The following POLR3B variants were observed in gnomAD, a reference collection of about 807,000 sequenced individuals.
POLR3B encodes the protein DNA-directed RNA polymerase III subunit RPC2.
Under a neutral mutation model 147.4 loss-of-function variants are expected in POLR3B, and 96 were observed. The observed-to-expected ratio is 0.65, with a 90% CI of 0.55 to 0.77. The LOEUF is 0.77. Ranked by LOEUF, POLR3B falls within the 30% of genes least tolerant of loss-of-function variation. POLR3B has a pLI of 0.00. For synonymous variants in POLR3B, 461 were observed against 485.9 expected (o/e 0.95, Z 0.67); for missense variants, 1,036 against 1,413.5 (o/e 0.73, Z 4.28).
intron 23 of POLR3B, among the ~76,000 whole-genome samples, chr12:106,486,638 A>G (rs888322825): frequency 6.6e-6 from 1 of 152,198 alleles, no homozygotes; most frequent in African/African-American, 2.4e-5. Flanking sequence ...TACAGCTGCC[A>G]CAAATCCAGA....
Position 106,496,792 on chromosome 12 carries a change from T to G in POLR3B, c.2858T>G (p.Val953Gly). The change falls in exon 25 of 28, where the codon GTG becomes GGG. Residue 953 changes from valine (V) to glycine (G), a missense_variant. Physicochemically the swap from Val to Gly is moderately radical, Grantham distance 109. Around this residue, in one of 12 missense-constraint regions of POLR3B, gnomAD observed 88 missense variants for 87.5 expected, o/e 1.01. Coordinates refer to ENST00000228347, the MANE Select transcript of POLR3B (RefSeq NM_018082.6). ...GAGCTGCTGGCTGGCAAGGCCGGTG[T>G]GCTGGACGGCAGATTCCACTACGGC... The part of the protein sequence containing the change: ...LIELLAGKAG[V>G]LDGRFHYGTA... The G allele has an allele frequency of 1.9e-6, 3 of 1,614,190 alleles. No homozygotes were observed. The highest frequency in any genetic ancestry group is 1.7e-6 in the Non-Finnish European group (2 of 1,180,036).
At chr12:106,430,165 A>G (rs1165536206) in intron 13 of POLR3B, 108 bp from the exon 14 acceptor site, 1 of 825,392 alleles carries the variant, frequency 1.2e-6, no homozygotes, top group Non-Finnish European at 2.1e-6. Context: ...CATGGTTCTA[A>G]TTTCGTAAGC....
chr12:106,402,165 A>G (rs1370308985), intron 10 of POLR3B, among the ~76,000 whole-genome samples: 4 of 152,138 alleles, frequency 2.6e-5, no homozygotes, highest in Admixed American at 6.6e-5. Context: ...TTATACACCA[A>G]TAACAGACAA....
chr12:106,444,312 T>A (rs2037693647), intron 18 of POLR3B, 151 bp from the exon 19 acceptor site: 7 of 696,956 alleles, frequency 1.0e-5, no homozygotes, highest in Non-Finnish European at 1.8e-5. Context: ...TTTATTTAAG[T>A]ATGTTTTTAT....
At chr12:106,493,194 A>AAC (rs751181469) in intron 23 of POLR3B, among the ~76,000 whole-genome samples, 2 of 152,248 alleles carry the variant, frequency 1.3e-5, no homozygotes, top group Non-Finnish European at 2.9e-5. Flanking sequence ...GGGGAGTGTT[A>AAC]ACACATTGAA....
chr12:106,440,295 T>G (rs912043123), intron 18 of POLR3B, among the ~76,000 whole-genome samples: 9 of 152,194 alleles, frequency 5.9e-5, no homozygotes, highest in Non-Finnish European at 1.2e-4. Context: ...TCCAGGCCAT[T>G]TGTATGTCTT....
At chr12:106,405,539 TACACACACACACACACAC>T (rs71072675) in intron 10 of POLR3B, among the ~76,000 whole-genome samples, 12 of 142,598 alleles carry the variant, frequency 8.4e-5, no homozygotes, top group African/African-American at 3.1e-4. Context: ...GCTATATGTC[TACACACACACACACACAC>T]ACACACACAC....
At chr12:106,452,062 A>G (rs1031184935) in intron 19 of POLR3B, among the ~76,000 whole-genome samples, 11 of 152,180 alleles carry the variant, frequency 7.2e-5, no homozygotes, top group Admixed American at 2.6e-4. Flanking sequence ...AGGGGAATCA[A>G]AGTTTGAGCG....
intron 20 of POLR3B, among the ~76,000 whole-genome samples, chr12:106,455,361 C>G (rs1411629927): frequency 6.6e-6 from 1 of 152,170 alleles, no homozygotes; most frequent in Non-Finnish European, 1.5e-5. Context: ...CCCCTTCCCT[C>G]TTTGTAGTTG....
chr12:106,403,032 A>G (rs1186153690), intron 10 of POLR3B, among the ~76,000 whole-genome samples: 2 of 151,618 alleles, frequency 1.3e-5, no homozygotes, highest in Non-Finnish European at 3.0e-5. Context: ...AACCTACAGA[A>G]TGGGAGAAAA....
intron 9 of POLR3B, among the ~76,000 whole-genome samples, chr12:106,392,714 A>T (rs747756449): frequency 3.3e-5 from 5 of 152,180 alleles, no homozygotes; most frequent in Non-Finnish European, 7.3e-5. Context: ...CTTTGTAGTC[A>T]TGACCAGTTG....
chr12:106,435,717 G>A (rs1364592258), intron 16 of POLR3B, among the ~76,000 whole-genome samples: 2 of 152,128 alleles, frequency 1.3e-5, no homozygotes, highest in Non-Finnish European at 2.9e-5. Context: ...TAGGGTGCCA[G>A]GCACACATTA....
chr12:106,372,209 C>G (rs2036616395), intron 6 of POLR3B, among the ~76,000 whole-genome samples: 1 of 152,086 alleles, frequency 6.6e-6, no homozygotes, highest in South Asian at 2.1e-4. Context: ...ACATTTGATT[C>G]AAAACAGTAA....
intron 4 of POLR3B, among the ~76,000 whole-genome samples, chr12:106,367,413 T>C (rs1005245168): frequency 1.3e-5 from 2 of 152,222 alleles, no homozygotes; most frequent in Non-Finnish European, 2.9e-5. Context: ...CTGTAGACCT[T>C]ATTTGATGTT....
chr12:106,378,199 C>G (rs777338765), intron 7 of POLR3B, 68 bp from the exon 8 acceptor site: 1 of 934,580 alleles, frequency 1.1e-6, no homozygotes, highest in Non-Finnish European at 1.8e-6. Context: ...TCACAAGATT[C>G]CTGCCATTAC....
At chr12:106,461,854 CCTCAT>C (rs1003950373) in intron 22 of POLR3B, among the ~76,000 whole-genome samples, 1 of 152,150 alleles carries the variant, frequency 6.6e-6, no homozygotes, top group African/African-American at 2.4e-5. Flanking sequence ...GACTCTTGAA[CCTCAT>C]CTGGACAAGC....
intron 6 of POLR3B, among the ~76,000 whole-genome samples, chr12:106,372,750 T>G (rs2036626801): frequency 6.6e-6 from 1 of 152,206 alleles, no homozygotes; most frequent in South Asian, 2.1e-4. Flanking sequence ...CTTACCTGTG[T>G]CACCCACTTT....
chr12:106,505,911 A>G (rs1036380131), intron 27 of POLR3B, among the ~76,000 whole-genome samples: 2 of 152,364 alleles, frequency 1.3e-5, no homozygotes, highest in Non-Finnish European at 1.5e-5. Flanking sequence ...CTTAAAACGC[A>G]GTGTATCCCT....
chr12:106,393,871 T>C (rs1565882428), intron 10 of POLR3B, among the ~76,000 whole-genome samples: 1 of 151,922 alleles, frequency 6.6e-6, no homozygotes, highest in Non-Finnish European at 1.5e-5. Flanking sequence ...ATACTTAGGA[T>C]TTTAGTCCCA....
Sources: gnomAD v4.1 joint callset for allele counts (sites outside exome capture counted in the v4.1 genomes callset) on GRCh38, gnomAD v4.1.1 for gene constraint, gnomAD v4.1.1 regional missense constraint, MANE v1.5 for transcripts, NCBI Gene and HGNC (gene_info 2026-07-23, HGNC 2026-07-21) for gene names.